Variants in FAM24B observed in about 807,000 individuals in gnomAD.
The protein encoded by FAM24B is family with sequence similarity 24 member B, also known as protein FAM24B.
In FAM24B, 3 loss-of-function variants were observed where a neutral mutation model predicts 2.3. The ratio of observed to expected loss-of-function variants is 1.29; its 90% CI spans 0.59 to 3.32. The LOEUF is 3.32. Among genes scored for constraint, FAM24B ranks in the 30% most tolerant of loss-of-function variants. The pLI is 0.03. For missense variants in FAM24B, 98 were observed against 117.2 expected (o/e 0.84, Z 0.76); for synonymous variants, 36 against 46.3 (o/e 0.78, Z 0.90).
Position 122,850,498 on chromosome 10 carries a change from AC to A in FAM24B, c.17del (p.Gly6ValfsTer10). MPVIA[G>X]GILAALLLLI... ...GCAGGAGCAAGGCCGCCAGGATACC[AC>A]CAGCGATGACAGGCATAATCACTGT... On this transcript the variant is annotated frameshift_variant, in exon 3 of 4. Transcript: ENST00000368898. LOFTEE classifies it high-confidence loss of function. 6.2e-7 allele frequency: 1 copy of A among 1,613,638 alleles called. No individual in the cohort carries two copies. Among genetic ancestry groups the A allele is most frequent in the East Asian group, 2.2e-5 (1 of 44,876 alleles).
intron 1 of FAM24B, among the ~76,000 whole-genome samples, chr10:122,877,597 T>G (rs1847995515): frequency 6.6e-6 from 1 of 152,234 alleles, no homozygotes; most frequent in Non-Finnish European, 1.5e-5. Context: ...TAATAGTTCA[T>G]GTCTGCACCT....
At chr10:122,855,142 C>G (rs547258824) in intron 2 of FAM24B, 1 of 152,366 alleles carries the variant, frequency 6.6e-6, no homozygotes, top group South Asian at 2.1e-4. Flanking sequence ...ATCTCCTTAA[C>G]TGAATCTTTT....
intron 1 of FAM24B, among the ~76,000 whole-genome samples, chr10:122,859,421 A>G (rs556911376): frequency 6.7e-4 from 102 of 152,342 alleles, no homozygotes; most frequent in Non-Finnish European, 1.4e-3. Flanking sequence ...CCCAGAGAAG[A>G]GAAGATGGTG....
At chr10:122,878,923 C>T (rs1848025461) in intron 1 of FAM24B, among the ~76,000 whole-genome samples, 1 of 152,026 alleles carries the variant, frequency 6.6e-6, no homozygotes, top group South Asian at 2.1e-4. Flanking sequence ...AGCCTATTTT[C>T]CTTTAGACTG....
intron 1 of FAM24B, among the ~76,000 whole-genome samples, chr10:122,865,218 A>G (rs999693494): frequency 6.6e-6 from 1 of 152,224 alleles, no homozygotes; most frequent in African/African-American, 2.4e-5. Context: ...ATTCTAATAC[A>G]TACTTGTTAA....
At chr10:122,878,731 C>G (rs1333628873) in intron 1 of FAM24B, among the ~76,000 whole-genome samples, 1 of 151,264 alleles carries the variant, frequency 6.6e-6, no homozygotes, top group Non-Finnish European at 1.5e-5. Context: ...TGGAGAAAGA[C>G]AGGGAAGTTT....
At chr10:122,856,862 C>T (rs1847648513) in intron 1 of FAM24B, among the ~76,000 whole-genome samples, 1 of 152,160 alleles carries the variant, frequency 6.6e-6, no homozygotes, top group South Asian at 2.1e-4. Flanking sequence ...TTCCCTCAGC[C>T]ACTATATCCC....
intron 1 of FAM24B, among the ~76,000 whole-genome samples, chr10:122,870,581 A>G (rs1367648209): frequency 6.6e-6 from 1 of 152,210 alleles, no homozygotes; most frequent in Non-Finnish European, 1.5e-5. Context: ...CAAAAAGCTT[A>G]TCCACCATGA....
chr10:122,872,320 A>T (rs1387235223), intron 1 of FAM24B, among the ~76,000 whole-genome samples: 4 of 152,190 alleles, frequency 2.6e-5, no homozygotes, highest in Non-Finnish European at 4.4e-5. Context: ...AAACAGGAAC[A>T]CTTTTACACT....
chr10:122,877,531 T>C (rs1847994219), intron 1 of FAM24B, among the ~76,000 whole-genome samples: 2 of 152,220 alleles, frequency 1.3e-5, no homozygotes, highest in Non-Finnish European at 2.9e-5. Context: ...AGTGGTGTTA[T>C]CTGCAGGAAT....
chr10:122,855,378 A>C (rs1296382040), intron 2 of FAM24B: 1 of 152,172 alleles, frequency 6.6e-6, no homozygotes, highest in Non-Finnish European at 1.5e-5. Flanking sequence ...CAAAGAGAAA[A>C]AACTGCAAAC....
chr10:122,878,020 G>C (rs971314718), intron 1 of FAM24B, among the ~76,000 whole-genome samples: 3 of 152,216 alleles, frequency 2.0e-5, no homozygotes, highest in African/African-American at 7.2e-5. Context: ...CTCCATACCA[G>C]AAGAGAATTA....
intron 2 of FAM24B, 49 bp from the exon 3 acceptor site, chr10:122,850,599 C>T (rs1847517602): frequency 3.4e-6 from 3 of 876,296 alleles, no homozygotes; most frequent in Admixed American, 3.4e-5. Flanking sequence ...GTCTCCCTCC[C>T]CACACAACCA....
intron 1 of FAM24B, among the ~76,000 whole-genome samples, chr10:122,869,340 C>T (rs1345083546): frequency 6.6e-6 from 1 of 152,190 alleles, no homozygotes; most frequent in Admixed American, 6.5e-5. Context: ...TAATGGGAGA[C>T]TTTAACACCC....
intron 1 of FAM24B, among the ~76,000 whole-genome samples, chr10:122,861,935 C>T (rs535506136): frequency 4.5e-4 from 67 of 147,978 alleles, no homozygotes; most frequent in Non-Finnish European, 8.1e-4. Flanking sequence ...CTGACCTACA[C>T]GGACCTTCAT....
intron 1 of FAM24B, among the ~76,000 whole-genome samples, chr10:122,877,195 C>T (rs952530708): frequency 2.0e-5 from 3 of 152,242 alleles, no homozygotes; most frequent in Non-Finnish European, 4.4e-5. Flanking sequence ...ACCAGCACAA[C>T]ACCCTGGCTT....
At position 122,850,512 on chromosome 10, in the gene FAM24B, G is replaced by A. The variant is rs1589667210; in HGVS notation, c.4C>T (p.Pro2Ser). The A allele has an allele frequency of 1.2e-6, 2 of 1,610,960 alleles. No individual in the cohort carries two copies. The highest frequency in any genetic ancestry group is 2.2e-5 in the East Asian group (1 of 44,854). Residue 2 changes from proline (P) to serine (S), a missense_variant, in exon 3 of 4, where the codon CCT becomes TCT. By Grantham distance (74) the Pro-to-Ser change is moderately conservative. Coordinates refer to ENST00000368898, the MANE Select transcript of FAM24B (RefSeq NM_152644.3). M[P>S]VIAGGILAAL... ...GCCAGGATACCACCAGCGATGACAG[G>A]CATAATCACTGTATGGAGGTCAAAA...
intron 1 of FAM24B, among the ~76,000 whole-genome samples, chr10:122,862,648 T>C (rs1166968184): frequency 6.6e-6 from 1 of 152,170 alleles, no homozygotes; most frequent in Admixed American, 6.6e-5. Flanking sequence ...AAATGGTTCC[T>C]GCATTATATA....
intron 1 of FAM24B, among the ~76,000 whole-genome samples, chr10:122,870,480 C>T (rs1185328495): frequency 6.6e-6 from 1 of 152,042 alleles, no homozygotes; most frequent in Non-Finnish European, 1.5e-5. Flanking sequence ...AGAGACACAA[C>T]CAAAAAAGAG....
Sources: gnomAD v4.1 joint callset for allele counts (sites outside exome capture counted in the v4.1 genomes callset) on GRCh38, gnomAD v4.1.1 for gene constraint, MANE v1.5 for transcripts, NCBI Gene and HGNC (gene_info 2026-07-23, HGNC 2026-07-21) for gene names.